Variants in MIB1 observed in about 807,000 individuals in gnomAD.
MIB1 encodes the protein MIB E3 ubiquitin protein ligase 1, also known as E3 ubiquitin-protein ligase MIB1.
In MIB1, 278 loss-of-function variants were observed where a neutral mutation model predicts 124.5. The ratio of observed to expected loss-of-function variants is 2.23; its 90% confidence interval spans 2.02 to 2.47. MIB1 has a LOEUF of 2.47. MIB1 is among the 30% of genes most tolerant of loss of function. MIB1 has a pLI of 0.00. For synonymous variants in MIB1, 446 were observed against 429.4 expected (o/e 1.04, Z -0.48); for missense variants, 957 against 1,254.4 (o/e 0.76, Z 3.58).
intron 1 of MIB1, among the ~76,000 whole-genome samples, chr18:21,727,523 G>T (rs1469726948): frequency 6.6e-6 from 1 of 152,182 alleles, no homozygotes; most frequent in Non-Finnish European, 1.5e-5. Context: ...TGGGAGGATT[G>T]CTTGAAGCTA....
At chr18:21,807,633 A>T (rs1238791018) in intron 10 of MIB1, among the ~76,000 whole-genome samples, 2 of 152,156 alleles carry the variant, frequency 1.3e-5, no homozygotes, top group African/African-American at 4.8e-5. Context: ...TGGGTGGAGG[A>T]GGTACAGCTG....
intron 1 of MIB1, among the ~76,000 whole-genome samples, chr18:21,764,953 A>G (rs577293777): frequency 6.6e-6 from 1 of 152,256 alleles, no homozygotes; most frequent in Admixed American, 6.5e-5. Flanking sequence ...TGATGTTGAC[A>G]AGCCACACAT....
chr18:21,797,984 G>A (rs2041603504), intron 7 of MIB1, 100 bp from the exon 8 acceptor site: 4 of 1,169,268 alleles, frequency 3.4e-6, no homozygotes, highest in East Asian at 2.4e-5. Context: ...TTTTTCATTA[G>A]TAATAAGTAA....
At chr18:21,776,359 G>C (rs1342685771) in intron 4 of MIB1, among the ~76,000 whole-genome samples, 1 of 152,064 alleles carries the variant, frequency 6.6e-6, no homozygotes, top group Non-Finnish European at 1.5e-5. Context: ...CTATAAAAGA[G>C]TTGGGTACTG....
rs1001039569 is a variant in MIB1 at position 21,727,254 on chromosome 18, G to A, written n.167+22131G>A. Among the ~76,000 whole-genome samples the A allele has an allele frequency of 1.5e-4, 23 of 152,038 alleles. 1 individual carries two copies. The highest frequency in any genetic ancestry group is 5.1e-4 in the African/African-American group (21 of 41,400). ...CCTCCTGAGTAGCTGCGATTAAAGG[G>A]ACTGACCACCACGGGATTATAGGCA... On this transcript the variant is annotated intron_variant and non_coding_transcript_variant, in intron 1 of 20. Coordinates refer to the MIB1 transcript ENST00000578646.
intron 12 of MIB1, among the ~76,000 whole-genome samples, chr18:21,833,755 T>G (rs1045546651): frequency 6.6e-6 from 1 of 152,254 alleles, no homozygotes; most frequent in East Asian, 1.9e-4. Context: ...TTGTTCATCA[T>G]TCAGCAAACG....
rs1353693164 is a variant in MIB1 at position 21,766,008 on chromosome 18, G to C, written c.401+65G>C. On this transcript the variant is annotated intron_variant, in intron 2 of 20. Transcript: ENST00000261537. ...TTTGTATTCAAGTTATGTACTTCTG[G>C]GCCTTAAAAATAGGATTAGCAAATA... 8 of 1,489,194 alleles carry C rather than the reference G, an allele frequency of 5.4e-6. No individual in the cohort carries two copies. In the Middle Eastern group the frequency reaches 6.5e-4, roughly 120 times the overall value. 92.2% of individuals were successfully genotyped at this position (1,489,194 alleles called of 1,614,324 possible). A position where few individuals can be genotyped will look rare whatever the true frequency, so the allele number is the denominator to read the frequency against.
chr18:21,721,403 A>T (rs1435949181), intron 1 of MIB1, among the ~76,000 whole-genome samples: 1 of 150,018 alleles, frequency 6.7e-6, no homozygotes, highest in Non-Finnish European at 1.5e-5. Flanking sequence ...CTGGTCTTGA[A>T]CTCCCGATCT....
intron 6 of MIB1, among the ~76,000 whole-genome samples, chr18:21,788,720 C>A (rs1488532053): frequency 6.6e-6 from 1 of 152,062 alleles, no homozygotes; most frequent in Non-Finnish European, 1.5e-5. Flanking sequence ...TAGAAAAACC[C>A]AAAGAATCCA....
intron 12 of MIB1, among the ~76,000 whole-genome samples, chr18:21,829,896 T>G (rs1245744596): frequency 6.6e-6 from 1 of 152,110 alleles, no homozygotes; most frequent in Non-Finnish European, 1.5e-5. Context: ...TTCAAAGAAC[T>G]GAAAGGTTTT....
At chr18:21,841,355 G>A (rs2042087529) in intron 13 of MIB1, among the ~76,000 whole-genome samples, 1 of 152,120 alleles carries the variant, frequency 6.6e-6, no homozygotes, top group Non-Finnish European at 1.5e-5. Context: ...TGAAGAGGGA[G>A]TGAGACACCA....
chr18:21,738,414 G>A (rs938782623), upstream of MIB1, among the ~76,000 whole-genome samples: 6 of 152,074 alleles, frequency 3.9e-5, no homozygotes, highest in African/African-American at 1.4e-4. Flanking sequence ...AGAATCTCTG[G>A]GACTCATTTA....
chr18:21,708,241 C>T (rs1022065301), intron 1 of MIB1, among the ~76,000 whole-genome samples: 2 of 152,176 alleles, frequency 1.3e-5, no homozygotes, highest in Non-Finnish European at 2.9e-5. Context: ...ATCCACCAAA[C>T]TTAGGCAAAT....
At chr18:21,763,442 T>C (rs2041121976) in intron 1 of MIB1, among the ~76,000 whole-genome samples, 1 of 152,154 alleles carries the variant, frequency 6.6e-6, no homozygotes, top group African/African-American at 2.4e-5. Context: ...TTCTGTGATT[T>C]CTTCCTTTCT....
chr18:21,836,010 A>AT (rs2146497230), intron 12 of MIB1, among the ~76,000 whole-genome samples: 1 of 151,922 alleles, frequency 6.6e-6, no homozygotes, highest in Non-Finnish European at 1.5e-5. Context: ...GCACTTTGGG[A>AT]GGCTAAGGCA....
Position 21,741,697 on chromosome 18 carries a change from C to A in MIB1, c.114C>A (p.Thr38=). The A allele has an allele frequency of 6.2e-7, 1 of 1,611,424 alleles. No homozygotes were observed. The change falls in exon 1 of 21, where the codon ACC becomes ACA. Residue 38 remains threonine, a synonymous_variant. Transcript: ENST00000261537. This position sits in a 1 kb window ranked among gnomAD's most constrained non-coding sequence, Gnocchi z 5.4. ...ACGGCGGCGAGGGCCATGTGGGCAC[C>A]GTCCGGAGCTTCGAGAGCCCCGAGG... ...KQDGGEGHVG[T]VRSFESPEEV... is the part of the protein sequence containing the mutation.
At chr18:21,790,011 C>T (rs1334378822) in intron 6 of MIB1, among the ~76,000 whole-genome samples, 1 of 152,094 alleles carries the variant, frequency 6.6e-6, no homozygotes, top group South Asian at 2.1e-4. Flanking sequence ...GTCATTAAAA[C>T]GATTATTTTG....
At chr18:21,835,686 C>G (rs2042020495) in intron 12 of MIB1, among the ~76,000 whole-genome samples, 1 of 149,840 alleles carries the variant, frequency 6.7e-6, no homozygotes, top group African/African-American at 2.5e-5. Flanking sequence ...CAGAGAATTG[C>G]TTGAACCTGG....
chr18:21,854,092 T>C (rs1268590719), intron 18 of MIB1, among the ~76,000 whole-genome samples: 1 of 151,484 alleles, frequency 6.6e-6, no homozygotes, highest in East Asian at 1.9e-4. Context: ...TTCTGTAACA[T>C]TTTGCCTAAA....
Sources: gnomAD v4.1 joint callset for allele counts (sites outside exome capture counted in the v4.1 genomes callset) on GRCh38, gnomAD v4.1.1 for gene constraint, Gnocchi (gnomAD v3.1) non-coding constraint, MANE v1.5 for transcripts, NCBI Gene and HGNC (gene_info 2026-07-23, HGNC 2026-07-21) for gene names.